The following EIF4E2 variants were observed in gnomAD, a reference collection of about 807,000 sequenced individuals.
EIF4E2 encodes the protein eukaryotic translation initiation factor 4E family member 2, also known as eukaryotic translation initiation factor 4E type 2.
A neutral mutation model predicts 34.2 loss-of-function variants in EIF4E2; 13 were observed. The observed-to-expected ratio is 0.38, with a 90% confidence interval of 0.25 to 0.60. The LOEUF is 0.60. Among genes scored for constraint, EIF4E2 ranks in the 20% least tolerant of loss-of-function variants. EIF4E2 has a pLI of 0.62. For missense variants in EIF4E2, 222 were observed against 315.1 expected (o/e 0.70, Z 2.24); for synonymous variants, 100 against 106.6 (o/e 0.94, Z 0.38).
At position 232,550,761 on chromosome 2, in the gene EIF4E2, C is replaced by A. The variant is rs2106228778; in HGVS notation, c.20+17C>A. On this transcript the variant is annotated intron_variant, in intron 1 of 6. Coordinates refer to ENST00000258416, the MANE Select transcript of EIF4E2 (RefSeq NM_004846.4). Reference sequence around the variant, plus strand: ...GTTCGACGCGTGAGTGGCTCGTGGCCGCCCCCGGGGCCCCTTCCCCGAACA... The same window carrying A: ...GTTCGACGCGTGAGTGGCTCGTGGCAGCCCCCGGGGCCCCTTCCCCGAACA... The A allele has an allele frequency of 1.3e-6, 2 of 1,560,134 alleles. No homozygotes were observed. The highest frequency in any genetic ancestry group is 1.7e-6 in the Non-Finnish European group (2 of 1,155,636).
rs374189895 is a variant in EIF4E2, at chr2:232,567,132, C to T, written c.583C>T (p.Arg195Ter). Residue 195 changes from arginine to a stop codon, truncating the protein, a stop_gained, in exon 6 of 7, where the codon CGA (arginine) becomes TGA (stop). Transcript: ENST00000258416. LOFTEE classifies it high-confidence loss of function. ...KTASDQATTA[R>*]IRDTLRRVLN... is the part of the protein sequence containing the mutation. ...TGCCAGTGACCAAGCAACCACAGCC[C>T]GAATCCGGGACACACTTCGGCGAGT... 3.1e-6 allele frequency: 5 copies of T among 1,614,122 alleles called. No individual in the cohort carries two copies. Among genetic ancestry groups the T allele is most frequent in the South Asian group, 1.1e-5 (1 of 91,072 alleles).
At chr2:232,573,606 G>A (rs1693141559), downstream of EIF4E2, 1 of 163,688 alleles carries the variant, frequency 6.1e-6, no homozygotes, top group Admixed American at 5.7e-5. Flanking sequence ...TCATAGTTAA[G>A]CTAGTCAGCA....
At chr2:232,580,344 G>C in intron 6 of EIF4E2, among the ~76,000 whole-genome samples, 1 of 151,732 alleles carries the variant, frequency 6.6e-6, no homozygotes, top group South Asian at 2.1e-4. Flanking sequence ...TAAAAAGAAA[G>C]GGGGGGAGAG....
intron 4 of EIF4E2, 58 bp downstream of exon 4, chr2:232,564,409 T>A: frequency 1.0e-6 from 1 of 983,994 alleles, no homozygotes; most frequent in East Asian, 2.7e-5. Flanking sequence ...TTTTGTTTTG[T>A]CTCTTAGCCC....
intron 6 of EIF4E2, chr2:232,567,752 A>C: frequency 1.0e-6 from 1 of 988,400 alleles, no homozygotes; most frequent in Non-Finnish European, 1.2e-6. Flanking sequence ...CATGAAGGCC[A>C]CAGGGAAAAT....
At chr2:232,555,537 CTT>C (rs547748710) in intron 1 of EIF4E2, among the ~76,000 whole-genome samples, 81 of 152,180 alleles carry the variant, frequency 5.3e-4, no homozygotes, top group African/African-American at 1.8e-3. Context: ...TTTATTTTTC[CTT>C]TTGGTTTACC....
chr2:232,566,987 C>T lies in EIF4E2; in HGVS notation c.528+6C>T, dbSNP rs765157137. 6.3e-7 allele frequency: 1 copy of T among 1,589,378 alleles called. No individual in the cohort carries two copies. The highest frequency in any genetic ancestry group is 2.2e-5 in the East Asian group (1 of 44,656). On this transcript the variant is annotated splice_donor_region_variant and intron_variant, in intron 5 of 6. Coordinates refer to ENST00000258416, the MANE Select transcript of EIF4E2 (RefSeq NM_004846.4). The surrounding 1 kb of genome is among the most constrained non-coding windows in gnomAD (Gnocchi z 4.9). Reference sequence around the variant, plus strand: ...TGGTGTCTGTCCGCTTTCAGGTAAGCCACCCATGAGCCAGGCTGGTTTCTT... The same window carrying T: ...TGGTGTCTGTCCGCTTTCAGGTAAGTCACCCATGAGCCAGGCTGGTTTCTT...
exon 7 of EIF4E2, chr2:232,582,193 C>G (rs553633259): frequency 6.5e-6 from 1 of 152,738 alleles, no homozygotes; most frequent in Non-Finnish European, 1.5e-5. Context: ...CCAAGTAGCA[C>G]CGTCTTACTT....
chr2:232,569,954 T>G (rs1693053185), downstream of EIF4E2: 1 of 152,286 alleles, frequency 6.6e-6, no homozygotes, highest in Admixed American at 6.5e-5. Context: ...TGCTGCAGCT[T>G]GGCCTTTAGG....
At chr2:232,556,905 G>A (rs1692543450) in intron 2 of EIF4E2, among the ~76,000 whole-genome samples, 1 of 152,110 alleles carries the variant, frequency 6.6e-6, no homozygotes, top group South Asian at 2.1e-4. Flanking sequence ...CTTGGAAAAG[G>A]GAAAACTTAG....
intron 1 of EIF4E2, among the ~76,000 whole-genome samples, chr2:232,555,113 TTAA>T (rs1396606673): frequency 2.0e-5 from 3 of 152,162 alleles, no homozygotes; most frequent in African/African-American, 7.2e-5. Flanking sequence ...TTGGATACTT[TTAA>T]TGTACTAGGC....
At chr2:232,578,755 G>T (rs927630154) in intron 6 of EIF4E2, among the ~76,000 whole-genome samples, 7 of 152,160 alleles carry the variant, frequency 4.6e-5, no homozygotes, top group Non-Finnish European at 7.3e-5. Context: ...ACCTGCTTAT[G>T]GTAATGATTA....
At chr2:232,565,346 C>G (rs1378830946) in intron 4 of EIF4E2, among the ~76,000 whole-genome samples, 2 of 152,204 alleles carry the variant, frequency 1.3e-5, no homozygotes, top group African/African-American at 4.8e-5. Context: ...TTAAGACCCA[C>G]TTCTTGGCAG....
intron 1 of EIF4E2, among the ~76,000 whole-genome samples, chr2:232,551,463 G>C (rs1389149101): frequency 3.9e-5 from 6 of 152,158 alleles, no homozygotes; most frequent in Non-Finnish European, 7.3e-5. Flanking sequence ...ATTGTATCTT[G>C]AGGTAGAATA....
At chr2:232,574,911 A>G (rs534719948) in intron 6 of EIF4E2, among the ~76,000 whole-genome samples, 3 of 152,358 alleles carry the variant, frequency 2.0e-5, no homozygotes, top group South Asian at 2.1e-4. Context: ...AGGGAGAGGC[A>G]CTGAGGTACA....
At chr2:232,577,026 A>G (rs79309596) in intron 6 of EIF4E2, among the ~76,000 whole-genome samples, 6,315 of 152,298 alleles carry the variant, frequency 0.041, 352 homozygotes, top group African/African-American at 0.11. Flanking sequence ...CCTTTTAACT[A>G]TGACTTCAGT....
chr2:232,558,303 G>A (rs935162155), intron 3 of EIF4E2: 8 of 221,260 alleles, frequency 3.6e-5, no homozygotes, highest in Admixed American at 5.7e-5. Flanking sequence ...TTTTAATTGA[G>A]ACAGAGTCTC....
In EIF4E2 at chr2:232,556,524, G is replaced by C. The variant is rs1229847307; in HGVS notation, c.129G>C (p.Lys43Asn). The change falls in exon 2 of 7, where the codon AAG becomes AAC. Residue 43 changes from lysine (K) to asparagine (N), a missense_variant. By Grantham distance (94) the Lys-to-Asn change is moderately conservative (BLOSUM62 0). Around this residue, in one of 3 missense-constraint regions of EIF4E2, gnomAD observed 87 missense variants for 93.6 expected, o/e 0.93. Coordinates refer to ENST00000258416, the MANE Select transcript of EIF4E2 (RefSeq NM_004846.4). The stretch of plus-strand genomic sequence containing the variant: ...GAGACAAGAATCAGAGCAGTAGCAA[G>C]AGAAAGGTGAGTGTTGGCTGCACAG... ...TERDKNQSSS[K>N]RKAVVPGPAE... 1.2e-6 allele frequency: 2 copies of C among 1,609,218 alleles called. No individual in the cohort carries two copies. The highest frequency in any genetic ancestry group is 1.7e-6 in the Non-Finnish European group (2 of 1,176,788).
At chr2:232,565,842 C>A (rs1220465943) in intron 4 of EIF4E2, among the ~76,000 whole-genome samples, 1 of 151,910 alleles carries the variant, frequency 6.6e-6, no homozygotes, top group Admixed American at 6.6e-5. Flanking sequence ...TCCTGTAATC[C>A]CAGCACTTTG....
Sources: gnomAD v4.1 joint callset for allele counts (sites outside exome capture counted in the v4.1 genomes callset) on GRCh38, gnomAD v4.1.1 for gene constraint, gnomAD v4.1.1 regional missense constraint, Gnocchi (gnomAD v3.1) non-coding constraint, MANE v1.5 for transcripts, NCBI Gene and HGNC (gene_info 2026-07-23, HGNC 2026-07-21) for gene names.